Variants in PCDHA7 observed in about 807,000 individuals in gnomAD.
PCDHA7 encodes the protein protocadherin alpha 7.
PCDHA7 carries 37 observed loss-of-function variants against 57.2 expected under a neutral mutation model. That is an observed-to-expected ratio of 0.65 (90% CI 0.50 to 0.85). The LOEUF (loss-of-function observed/expected upper bound fraction) is 0.85, where lower values mean the gene tolerates loss of function less well. Ranked by LOEUF, PCDHA7 falls within the 40% of genes least tolerant of loss-of-function variation. The probability of loss-of-function intolerance (pLI) is 0.00; values close to 1 mark genes in which losing one functional copy is unlikely to be tolerated. For missense variants in PCDHA7, 1,188 were observed against 1,241.8 expected (o/e 0.96, Z 0.65); for synonymous variants, 553 against 558.8 (o/e 0.99, Z 0.15).
At position 140,843,480 on chromosome 5, in the gene PCDHA7, C is replaced by A. The variant is rs2150360983; in HGVS notation, c.2355+6742C>A. 13 of 1,596,024 alleles carry A rather than the reference C, an allele frequency of 8.1e-6. 2 individuals carry two copies. The highest frequency in any genetic ancestry group is 1.1e-5 in the South Asian group (1 of 90,492). On this transcript the variant is annotated intron_variant, in intron 1 of 3. Coordinates refer to ENST00000525929, the MANE Select transcript of PCDHA7 (RefSeq NM_018910.3). Reference sequence around the variant, plus strand: ...GTGCTCACGCTGCTGCTGTACACTGCGCTGCGGTGCTCAGCACTGCCCACT... The same window carrying A: ...GTGCTCACGCTGCTGCTGTACACTGAGCTGCGGTGCTCAGCACTGCCCACT...
chr5:140,856,808 C>G (rs1554149136), intron 1 of PCDHA7: 1 of 1,594,492 alleles, frequency 6.3e-7, no homozygotes. Context: ...GTATGAAAAT[C>G]AAGTGAACCA....
rs191500915 is a variant in PCDHA7, at chr5:140,840,115, G to A, written c.2355+3377G>A. Among the ~76,000 whole-genome samples, 14 of 152,082 alleles carry A rather than the reference G, an allele frequency of 9.2e-5. No individual in the cohort carries two copies. In the East Asian group the frequency reaches 2.7e-3, roughly 29 times the overall value. ...AAGATTTTAGTGAAATCGAGTGAAA[G>A]CTGTACTAATAAGGACAGAAATTAT... is the stretch of plus-strand genomic sequence containing the variant. On this transcript the variant is annotated intron_variant, in intron 1 of 3. Coordinates refer to ENST00000525929, the MANE Select transcript of PCDHA7 (RefSeq NM_018910.3).
At position 140,961,643 on chromosome 5, in the gene PCDHA7, A is replaced by G. The variant is rs533824470; in HGVS notation, c.2356-17306A>G. Reference sequence around the variant, plus strand: ...CCATATGAAAAACAATCTTAAGTCTATGTGGTTAGTTTGAAGTTACCAGTT... The same window carrying G: ...CCATATGAAAAACAATCTTAAGTCTGTGTGGTTAGTTTGAAGTTACCAGTT... On this transcript the variant is annotated intron_variant, in intron 1 of 3. Coordinates refer to ENST00000525929, the MANE Select transcript of PCDHA7 (RefSeq NM_018910.3). Among the ~76,000 whole-genome samples the G allele has an allele frequency of 7.2e-5, 11 of 152,324 alleles. No homozygotes were observed. The East Asian group carries it at 1.9e-3, about 27-fold the overall frequency.
chr5:140,898,389 G>A (rs1402524208), intron 1 of PCDHA7, among the ~76,000 whole-genome samples: 3 of 152,190 alleles, frequency 2.0e-5, no homozygotes, highest in Non-Finnish European at 4.4e-5. Flanking sequence ...AAGGGATCCA[G>A]TTTCAGCTTT....
In PCDHA7 at chr5:140,835,855, C is replaced by A; in HGVS notation, c.1472C>A (p.Ser491Tyr). 2 of 1,612,246 alleles carry A rather than the reference C, an allele frequency of 1.2e-6. No individual in the cohort carries two copies. Among genetic ancestry groups the A allele is most frequent in the Non-Finnish European group, 1.7e-6 (2 of 1,179,654 alleles). The part of the protein sequence containing the change: ...DADAQKNALV[S>Y]YSLVELRVGE... The stretch of plus-strand genomic sequence containing the variant: ...GACGCGCAGAAGAACGCGCTGGTGT[C>A]CTACTCGCTGGTGGAGCTGCGGGTG... Residue 491 changes from serine (S) to tyrosine (Y), a missense_variant, in exon 1 of 4, where the codon TCC becomes TAC. Ser to Tyr is a moderately radical substitution (Grantham distance 144, BLOSUM62 -2). Transcript: ENST00000525929.
At chr5:140,937,323 C>T (rs1350536354) in intron 1 of PCDHA7, among the ~76,000 whole-genome samples, 3 of 152,120 alleles carry the variant, frequency 2.0e-5, no homozygotes, top group African/African-American at 7.2e-5. Flanking sequence ...AGGCGTGAGC[C>T]ACCGCGCCCG....
At chr5:140,987,480 A>C (rs1489888830) in intron 3 of PCDHA7, among the ~76,000 whole-genome samples, 2 of 152,192 alleles carry the variant, frequency 1.3e-5, no homozygotes, top group African/African-American at 4.8e-5. Flanking sequence ...CTTGGGAGTC[A>C]GTGACCCTTT....
chr5:140,907,344 C>T (rs548533041), intron 1 of PCDHA7, among the ~76,000 whole-genome samples: 111 of 152,276 alleles, frequency 7.3e-4, no homozygotes, highest in Non-Finnish European at 1.2e-3. Flanking sequence ...TGCATGAGCC[C>T]GCTGCTGCAC....
At position 140,999,623 on chromosome 5, in the gene PCDHA7, A is replaced by G. The variant is rs188539860; in HGVS notation, c.2504-10004A>G. ...CCTGGGGGACCTTATCAACCAGGAAACAAGGTAGAGAAAACTGTGCAGCCT... is the reference window on the plus strand; with the variant it reads ...CCTGGGGGACCTTATCAACCAGGAAGCAAGGTAGAGAAAACTGTGCAGCCT... On this transcript the variant is annotated intron_variant, in intron 3 of 3. Transcript: ENST00000525929. Among the ~76,000 whole-genome samples the G allele has an allele frequency of 1.3e-4, 20 of 152,330 alleles. No individual in the cohort carries two copies. In the East Asian group the frequency reaches 3.9e-3, roughly 29 times the overall value.
At chr5:140,864,105 T>G (rs1413292385) in intron 1 of PCDHA7, 1 of 152,314 alleles carries the variant, frequency 6.6e-6, no homozygotes, top group Non-Finnish European at 1.5e-5. Flanking sequence ...ATAATGATAA[T>G]AGTAATAATG....
intron 1 of PCDHA7, among the ~76,000 whole-genome samples, chr5:140,845,801 G>C (rs1219755602): frequency 1.3e-5 from 2 of 149,630 alleles, no homozygotes; most frequent in African/African-American, 4.9e-5. Flanking sequence ...TCTGGCAAGT[G>C]ATAGGTACAT....
At chr5:140,966,490 T>G (rs533525977) in intron 1 of PCDHA7, 2 of 437,964 alleles carry the variant, frequency 4.6e-6, no homozygotes, top group Non-Finnish European at 7.9e-6. Flanking sequence ...TCCCTCCCCC[T>G]GGAGCTGTAG....
intron 1 of PCDHA7, chr5:140,841,217 C>A: frequency 7.0e-7 from 1 of 1,422,140 alleles, no homozygotes; most frequent in Non-Finnish European, 9.5e-7. Context: ...TCTCTAAAGG[C>A]CGAACAACGG....
At chr5:140,855,049 C>A (rs188702829) in intron 1 of PCDHA7, among the ~76,000 whole-genome samples, 1 of 149,704 alleles carries the variant, frequency 6.7e-6, no homozygotes, top group Admixed American at 6.7e-5. Flanking sequence ...TGTAATAGTA[C>A]TTTTCTGTTT....
intron 1 of PCDHA7, 34 bp from the exon 2 acceptor site, chr5:140,978,915 A>G: frequency 6.2e-7 from 1 of 1,613,970 alleles, no homozygotes; most frequent in Non-Finnish European, 8.5e-7. Context: ...TTGTCTTGTC[A>G]TTTTAACAGA....
In PCDHA7 at chr5:140,869,324, T is replaced by C. The variant is rs1581884799; in HGVS notation, c.2355+32586T>C. 1.9e-6 allele frequency: 3 copies of C among 1,613,876 alleles called. No individual in the cohort carries two copies. In the East Asian group the frequency reaches 6.7e-5, roughly 36 times the overall value. On this transcript the variant is annotated intron_variant, in intron 1 of 3. Coordinates refer to ENST00000525929, the MANE Select transcript of PCDHA7 (RefSeq NM_018910.3). Reference sequence around the variant, plus strand: ...GTGGCGTCCAAAACACATGGGGACCTTCTGGAGGTAAATCTGCAGAATGGC... The same window carrying C: ...GTGGCGTCCAAAACACATGGGGACCCTCTGGAGGTAAATCTGCAGAATGGC...
chr5:140,856,649 C>T, intron 1 of PCDHA7: 1 of 1,598,072 alleles, frequency 6.3e-7, no homozygotes, highest in South Asian at 1.1e-5. Context: ...GCTGCTGGAT[C>T]GTGAAGAAAA....
At chr5:140,841,417 C>A (rs1242106171) in intron 1 of PCDHA7, 5 of 1,612,932 alleles carry the variant, frequency 3.1e-6, no homozygotes, top group Non-Finnish European at 4.2e-6. Flanking sequence ...GCCAGCTCCA[C>A]TACTCCGTCC....
At chr5:140,882,961 G>A (rs267600401) in intron 1 of PCDHA7, 1 of 1,614,180 alleles carries the variant, frequency 6.2e-7, no homozygotes, top group Non-Finnish European at 8.5e-7. Context: ...TGCTCATCAC[G>A]ATTCTGGACG....
Sources: allele counts gnomAD v4.1 joint callset (sites outside exome capture counted in the v4.1 genomes callset), GRCh38; gene constraint gnomAD v4.1.1; transcripts MANE v1.5; gene names NCBI Gene and HGNC (gene_info 2026-07-23, HGNC 2026-07-21).